Variants in CSMD1 observed in about 807,000 individuals in gnomAD.
The protein encoded by CSMD1 is CUB and Sushi multiple domains 1, also known as CUB and sushi domain-containing protein 1.
A neutral mutation model predicts 417.5 loss-of-function variants in CSMD1; 213 were observed. The ratio of observed to expected loss-of-function variants is 0.51; its 90% CI spans 0.46 to 0.57. The LOEUF is 0.57. CSMD1 is among the 20% of genes least tolerant of loss of function. The probability of loss-of-function intolerance (pLI) is 0.00; values close to 1 mark genes in which losing one functional copy is unlikely to be tolerated. For synonymous variants in CSMD1, 2,862 were observed against 1,736.8 expected (o/e 1.65, Z -16.11); for missense variants, 6,923 against 4,529.7 (o/e 1.53, Z -15.17).
chr8:4,812,529 G>C (rs1798967213), intron 1 of CSMD1, among the ~76,000 whole-genome samples: 3 of 152,090 alleles, frequency 2.0e-5, no homozygotes, highest in Admixed American at 6.5e-5. Flanking sequence ...TACATTCTAT[G>C]TTTGCAACAA....
At chr8:4,498,486 A>G (rs1009247700) in intron 2 of CSMD1, among the ~76,000 whole-genome samples, 1 of 152,180 alleles carries the variant, frequency 6.6e-6, no homozygotes, top group African/African-American at 2.4e-5. Context: ...CAAACTTTTA[A>G]TTTTAAAATT....
At chr8:3,666,601 C>T (rs545165860) in intron 7 of CSMD1, among the ~76,000 whole-genome samples, 1 of 152,218 alleles carries the variant, frequency 6.6e-6, no homozygotes, top group South Asian at 2.1e-4. Flanking sequence ...TCCCATAACT[C>T]CCATGTGTTG....
chr8:3,483,855 G>A (rs1817878807), intron 11 of CSMD1, among the ~76,000 whole-genome samples: 1 of 152,060 alleles, frequency 6.6e-6, no homozygotes. Flanking sequence ...ATCAATCAAT[G>A]TCATCCACCA....
intron 26 of CSMD1, among the ~76,000 whole-genome samples, chr8:3,274,197 T>C (rs946460041): frequency 5.9e-5 from 9 of 151,814 alleles, no homozygotes; most frequent in African/African-American, 2.2e-4. Flanking sequence ...CCAGTAGTCA[T>C]TCAGGAGCAG....
At chr8:3,567,655 C>T (rs140958907) in intron 10 of CSMD1, among the ~76,000 whole-genome samples, 8 of 152,012 alleles carry the variant, frequency 5.3e-5, no homozygotes, top group African/African-American at 1.9e-4. Context: ...GCCTTGTTTA[C>T]CGACAATATT....
At chr8:3,331,958 C>T (rs1806926581) in intron 23 of CSMD1, among the ~76,000 whole-genome samples, 1 of 152,070 alleles carries the variant, frequency 6.6e-6, no homozygotes, top group Admixed American at 6.5e-5. Flanking sequence ...TAGATAAAAA[C>T]AGATCATAGA....
chr8:4,943,400 G>A (rs1808150646), intron 1 of CSMD1, among the ~76,000 whole-genome samples: 1 of 151,956 alleles, frequency 6.6e-6, no homozygotes, highest in African/African-American at 2.4e-5. Flanking sequence ...GGAGGCTGAG[G>A]CAGGAGAATG....
At chr8:3,448,032 C>G (rs1281711795) in intron 12 of CSMD1, among the ~76,000 whole-genome samples, 1 of 151,936 alleles carries the variant, frequency 6.6e-6, no homozygotes, top group Non-Finnish European at 1.5e-5. Context: ...ACCCTGGATA[C>G]AAACAAGCCT....
At chr8:3,580,594 A>C (rs1800341663) in intron 9 of CSMD1, among the ~76,000 whole-genome samples, 1 of 152,184 alleles carries the variant, frequency 6.6e-6, no homozygotes, top group Non-Finnish European at 1.5e-5. Context: ...AATAAGGAGA[A>C]AAATATATTT....
intron 1 of CSMD1, among the ~76,000 whole-genome samples, chr8:4,711,680 A>C (rs1021488385): frequency 1.3e-5 from 2 of 152,144 alleles, no homozygotes; most frequent in African/African-American, 4.8e-5. Flanking sequence ...TTAAAAAAAA[A>C]ATCCATTAAA....
chr8:3,442,644 T>C (rs1274700819), intron 12 of CSMD1, among the ~76,000 whole-genome samples: 11 of 152,306 alleles, frequency 7.2e-5, no homozygotes, highest in Admixed American at 5.2e-4. Flanking sequence ...CACTCCACGA[T>C]GTTTGCATAC....
At chr8:3,354,540 A>G (rs1372132596) in intron 21 of CSMD1, among the ~76,000 whole-genome samples, 1 of 151,992 alleles carries the variant, frequency 6.6e-6, no homozygotes, top group Non-Finnish European at 1.5e-5. Flanking sequence ...CCCGTAATAG[A>G]AGTCTATATT....
Position 3,109,772 on chromosome 8 carries a change from A to AAC in CSMD1, c.6608+384_6608+385dup, listed in dbSNP as rs1199081855. Among the ~76,000 whole-genome samples, 4 of 151,282 alleles carry AAC rather than the reference A, an allele frequency of 2.6e-5. No homozygotes were observed. In the East Asian group the frequency reaches 5.9e-4, roughly 22 times the overall value. ...ACGCACACACACACACAACATACAC[A>AAC]ACACACACACAGACACCACACACAC... On this transcript the variant is annotated intron_variant, in intron 43 of 69. Coordinates refer to ENST00000635120, the MANE Select transcript of CSMD1 (RefSeq NM_033225.6).
chr8:3,724,872 T>A (rs981563832), intron 6 of CSMD1, among the ~76,000 whole-genome samples: 13 of 152,224 alleles, frequency 8.5e-5, no homozygotes, highest in African/African-American at 2.9e-4. Flanking sequence ...TACTTTAAAA[T>A]TCAGACTATT....
At chr8:4,717,095 G>T (rs186621910) in intron 1 of CSMD1, among the ~76,000 whole-genome samples, 21 of 151,494 alleles carry the variant, frequency 1.4e-4, no homozygotes, top group African/African-American at 4.6e-4. Flanking sequence ...TCTCTGCCCC[G>T]AGAAAAACTA....
intron 3 of CSMD1, among the ~76,000 whole-genome samples, chr8:4,219,339 T>A (rs987462766): frequency 6.6e-6 from 1 of 152,206 alleles, no homozygotes; most frequent in Non-Finnish European, 1.5e-5. Context: ...TTTCGTAACT[T>A]GAGCTGGAAT....
At chr8:4,484,633 G>C (rs1362593173) in intron 2 of CSMD1, among the ~76,000 whole-genome samples, 4 of 152,060 alleles carry the variant, frequency 2.6e-5, no homozygotes, top group African/African-American at 9.7e-5. Context: ...GAGGGAAAGT[G>C]AGACACATCT....
chr8:3,864,206 A>G (rs970347408), intron 5 of CSMD1, among the ~76,000 whole-genome samples: 3 of 152,250 alleles, frequency 2.0e-5, no homozygotes, highest in Non-Finnish European at 4.4e-5. Context: ...ATAATAATTC[A>G]GAAATACTCC....
chr8:3,445,760 C>T (rs992487430), intron 12 of CSMD1, among the ~76,000 whole-genome samples: 1 of 152,036 alleles, frequency 6.6e-6, no homozygotes, highest in Non-Finnish European at 1.5e-5. Flanking sequence ...AGAACAAAGC[C>T]ATGTAAACAG....
Sources: allele counts gnomAD v4.1 joint callset (sites outside exome capture counted in the v4.1 genomes callset), GRCh38; gene constraint gnomAD v4.1.1; transcripts MANE v1.5; gene names NCBI Gene and HGNC (gene_info 2026-07-23, HGNC 2026-07-21).